PRKN: variants seen among roughly 807,000 people sequenced by gnomAD.
The protein encoded by PRKN is parkin RBR E3 ubiquitin protein ligase, also known as E3 ubiquitin-protein ligase parkin.
PRKN carries 56 observed loss-of-function variants against 59.5 expected under a neutral mutation model. The observed-to-expected ratio is 0.94, with a 90% CI of 0.76 to 1.18. The LOEUF (loss-of-function observed/expected upper bound fraction) is 1.18, where lower values mean the gene tolerates loss of function less well. PRKN is among the 50% of genes most tolerant of loss of function. The pLI is 0.00. For missense variants in PRKN, 657 were observed against 596.4 expected, an observed-to-expected ratio of 1.10 and a Z score of -1.06; for synonymous variants, 250 against 222.1, an observed-to-expected ratio of 1.13 and a Z score of -1.12.
At chr6:162,669,363 G>GCC (rs1330972812) in intron 1 of PRKN, among the ~76,000 whole-genome samples, 1 of 152,028 alleles carries the variant, frequency 6.6e-6, no homozygotes, top group Admixed American at 6.6e-5. Context: ...AGTCACGATT[G>GCC]CCCCCATTAA....
chr6:162,452,227 G>A (rs898301171), intron 1 of PRKN, among the ~76,000 whole-genome samples: 1 of 152,116 alleles, frequency 6.6e-6, no homozygotes, highest in African/African-American at 2.4e-5. Flanking sequence ...ATCACAAGCA[G>A]ACTCATATCA....
intron 6 of PRKN, among the ~76,000 whole-genome samples, chr6:161,811,800 G>A (rs1477221242): frequency 6.6e-6 from 1 of 152,008 alleles, no homozygotes; most frequent in Non-Finnish European, 1.5e-5. Flanking sequence ...GCATGCACCT[G>A]TAGTCCCGCT....
chr6:162,292,043 C>T (rs1010670027), intron 2 of PRKN, among the ~76,000 whole-genome samples: 7 of 151,184 alleles, frequency 4.6e-5, no homozygotes, highest in Non-Finnish European at 8.8e-5. Context: ...GCCTCACTGC[C>T]ACCTCTGCCT....
intron 4 of PRKN, among the ~76,000 whole-genome samples, chr6:162,060,866 T>C (rs1301695776): frequency 6.6e-6 from 1 of 152,218 alleles, no homozygotes; most frequent in Non-Finnish European, 1.5e-5. Flanking sequence ...TATTATCTCA[T>C]CTTGTCATCG....
In PRKN at chr6:161,750,118, T is replaced by TATATATATACAC. The variant is rs1269147499; in HGVS notation, c.871+35653_871+35654insGTGTATATATAT. On this transcript the variant is annotated intron_variant, in intron 7 of 11. Transcript: ENST00000366898. ...TAGGACATATATATATATATATATATACACACACACACACACACACACACA... is the reference window on the plus strand; with the variant it reads ...TAGGACATATATATATATATATATATATATATATACACACACACACACACACACACACACACA... Among the ~76,000 whole-genome samples, 5 of 137,828 alleles carry TATATATATACAC rather than the reference T, an allele frequency of 3.6e-5. No homozygotes were observed. The South Asian group carries it at 1.0e-3, about 28-fold the overall frequency. 90.4% of individuals were successfully genotyped at this position (137,828 alleles called of 152,430 possible).
intron 1 of PRKN, among the ~76,000 whole-genome samples, chr6:162,656,905 A>C (rs1247408635): frequency 6.6e-6 from 1 of 152,172 alleles, no homozygotes; most frequent in African/African-American, 2.4e-5. Flanking sequence ...TCCTAGCACA[A>C]AGCCTTAGTT....
intron 4 of PRKN, among the ~76,000 whole-genome samples, chr6:162,178,562 A>T (rs187988247): frequency 2.6e-5 from 4 of 152,170 alleles, no homozygotes; most frequent in African/African-American, 9.7e-5. Context: ...CCTACTACCA[A>T]GCTATTTGTT....
intron 2 of PRKN, among the ~76,000 whole-genome samples, chr6:162,433,985 A>G (rs999957057): frequency 1.3e-5 from 2 of 152,164 alleles, no homozygotes; most frequent in Admixed American, 6.5e-5. Context: ...ATTAGTCTAC[A>G]TATTAAATCT....
intron 1 of PRKN, among the ~76,000 whole-genome samples, chr6:162,668,910 G>T (rs1306617387): frequency 6.6e-6 from 1 of 152,130 alleles, no homozygotes; most frequent in African/African-American, 2.4e-5. Context: ...TGATGGTGGT[G>T]GCCCTGGTGG....
At position 162,236,021 on chromosome 6, in the gene PRKN, G is replaced by GAA. The variant is rs1287554689; in HGVS notation, c.412+26502_412+26503dup. Among the ~76,000 whole-genome samples, 7 of 148,722 alleles carry GAA rather than the reference G, an allele frequency of 4.7e-5. No homozygotes were observed. In the East Asian group the frequency reaches 5.9e-4, roughly 12 times the overall value. ...AGAAAGAAAGAAAGAAAGAAAGAAA[G>GAA]AAACTCCTCACCCTTCAGTGTGATC... On this transcript the variant is annotated intron_variant, in intron 3 of 11. Transcript: ENST00000366898.
At position 161,561,780 on chromosome 6, in the gene PRKN, C is replaced by T. The variant is rs974594381; in HGVS notation, c.933+7575G>A. On this transcript the variant is annotated intron_variant, in intron 8 of 11. Coordinates refer to ENST00000366898, the MANE Select transcript of PRKN (RefSeq NM_004562.3). This position sits in a 1 kb window ranked among gnomAD's most constrained non-coding sequence, Gnocchi z 5.0. ...GAGTGTAAAACAAGTTCTGGCCCTT[C>T]GATCTTTAAAGAACTGTCTTGTGGT... 1.3e-5 allele frequency among the ~76,000 whole-genome samples: 2 copies of T among 152,122 alleles called. No homozygotes were observed. Among genetic ancestry groups the T allele is most frequent in the Non-Finnish European group, 2.9e-5 (2 of 68,030 alleles).
rs1051467778 is a variant in PRKN at position 161,538,928 on chromosome 6, G to T, written c.1083+9926C>A. Among the ~76,000 whole-genome samples the T allele has an allele frequency of 6.6e-6, 1 of 152,174 alleles. No homozygotes were observed. The highest frequency in any genetic ancestry group is 1.9e-4 in the East Asian group (1 of 5,182). ...TCTGCCTAAATGTCATGAACAACAG[G>T]AATAACAGCAGGTACTTAGCGCTGA... On this transcript the variant is annotated intron_variant, in intron 9 of 11. Coordinates refer to ENST00000366898, the MANE Select transcript of PRKN (RefSeq NM_004562.3). This position sits in a 1 kb window ranked among gnomAD's most constrained non-coding sequence, Gnocchi z 4.2.
At chr6:162,118,234 A>G (rs897355156) in intron 4 of PRKN, among the ~76,000 whole-genome samples, 3 of 151,356 alleles carry the variant, frequency 2.0e-5, no homozygotes, top group Non-Finnish European at 4.4e-5. Context: ...ACATGGTGAA[A>G]CCCTGTCTCC....
intron 7 of PRKN, among the ~76,000 whole-genome samples, chr6:161,735,478 G>A (rs574841938): frequency 7.2e-5 from 11 of 152,118 alleles, no homozygotes; most frequent in East Asian, 1.9e-4. Flanking sequence ...GACTATTTTC[G>A]TCATCAGTAA....
intron 9 of PRKN, among the ~76,000 whole-genome samples, chr6:161,509,913 C>T (rs1423523478): frequency 6.9e-6 from 1 of 145,798 alleles, no homozygotes; most frequent in African/African-American, 2.5e-5. Context: ...AGTTAAGCCA[C>T]AAATCGATAT....
intron 6 of PRKN, among the ~76,000 whole-genome samples, chr6:161,958,902 A>G (rs1780279228): frequency 6.6e-6 from 1 of 151,970 alleles, no homozygotes. Flanking sequence ...AATGAGAGAG[A>G]AAAAAGAAAA....
chr6:161,979,773 A>T (rs1583435335), intron 5 of PRKN, among the ~76,000 whole-genome samples: 1 of 152,122 alleles, frequency 6.6e-6, no homozygotes, highest in South Asian at 2.1e-4. Context: ...TCAGACCCAT[A>T]CAAATCAAAG....
At position 161,561,422 on chromosome 6, in the gene PRKN, A is replaced by T. The variant is rs865791137; in HGVS notation, c.933+7933T>A. Among the ~76,000 whole-genome samples the T allele has an allele frequency of 6.6e-6, 1 of 152,266 alleles. No individual in the cohort carries two copies. Among genetic ancestry groups the T allele is most frequent in the South Asian group, 2.1e-4 (1 of 4,822 alleles). The stretch of plus-strand genomic sequence containing the variant: ...GAGAGGAATCATGGCTGATGTCCTG[A>T]TGTGCTCAACAGATGTTTCCTAAGC... On this transcript the variant is annotated intron_variant, in intron 8 of 11. Coordinates refer to ENST00000366898, the MANE Select transcript of PRKN (RefSeq NM_004562.3). This position sits in a 1 kb window ranked among gnomAD's most constrained non-coding sequence, Gnocchi z 5.0.
intron 7 of PRKN, among the ~76,000 whole-genome samples, chr6:161,595,415 T>C (rs1781879302): frequency 6.6e-6 from 1 of 152,206 alleles, no homozygotes; most frequent in Non-Finnish European, 1.5e-5. Context: ...TAAAGGCTTC[T>C]GTTATGACAC....
Sources: allele counts gnomAD v4.1 joint callset (sites outside exome capture counted in the v4.1 genomes callset), GRCh38; gene constraint gnomAD v4.1.1; non-coding constraint Gnocchi (gnomAD v3.1); transcripts MANE v1.5; gene names NCBI Gene and HGNC (gene_info 2026-07-23, HGNC 2026-07-21).